The following SEL1L3 variants were observed in gnomAD, a reference collection of about 807,000 sequenced individuals.
SEL1L3 encodes protein sel-1 homolog 3.
A neutral mutation model predicts 142.8 loss-of-function variants in SEL1L3; 76 were observed. That is an observed-to-expected ratio of 0.53 (90% CI 0.44 to 0.64). The LOEUF is 0.64. SEL1L3 is among the 30% of genes least tolerant of loss of function. The probability of loss-of-function intolerance (pLI) is 0.00; values close to 1 mark genes in which losing one functional copy is unlikely to be tolerated. For synonymous variants in SEL1L3, 504 were observed against 519.6 expected (o/e 0.97, Z 0.41); for missense variants, 1,262 against 1,381.7 (o/e 0.91, Z 1.37).
intron 22 of SEL1L3, 28 bp downstream of exon 22, chr4:25,757,660 G>C: frequency 1.3e-6 from 2 of 1,563,378 alleles, no homozygotes; most frequent in Non-Finnish European, 1.7e-6. Context: ...GGGCCACAAG[G>C]GTGGGGCCGG....
rs769030042 is a variant in SEL1L3 at position 25,779,106 on chromosome 4, G to A, written c.2555C>T (p.Thr852Ile). The change falls in exon 16 of 24, where the codon ACA becomes ATA. Residue 852 changes from threonine (T) to isoleucine (I), a missense_variant. Physicochemically the swap from Thr to Ile is moderately conservative, Grantham distance 89. Around this residue, in one of 3 missense-constraint regions of SEL1L3, gnomAD observed 435 missense variants for 559.2 expected, o/e 0.78. Coordinates refer to ENST00000399878, the MANE Select transcript of SEL1L3 (RefSeq NM_015187.5). ...AGCTTTCTCAGGATCTCTAGGGAAT[G>A]TCTCCAGGTTGCCTGTGATATAGTA... is the stretch of plus-strand genomic sequence containing the variant. ...SLYYITGNLE[T>I]FPRDPEKAVV... The A allele has an allele frequency of 3.1e-6, 5 of 1,613,492 alleles. No homozygotes were observed. The highest frequency in any genetic ancestry group is 1.7e-5 in the Admixed American group (1 of 59,990).
intron 20 of SEL1L3, among the ~76,000 whole-genome samples, chr4:25,760,661 C>T (rs898969201): frequency 3.9e-5 from 6 of 152,108 alleles, no homozygotes; most frequent in Non-Finnish European, 5.9e-5. Flanking sequence ...CATCTAATGG[C>T]TTATATCTTC....
chr4:25,802,596 T>C, intron 10 of SEL1L3, 134 bp from the exon 11 acceptor site: 1 of 763,510 alleles, frequency 1.3e-6, no homozygotes, highest in Non-Finnish European at 2.1e-6. Flanking sequence ...TTGCCTTTTT[T>C]TTTGAGACGG....
chr4:25,852,608 G>A (rs1026422174), intron 1 of SEL1L3, among the ~76,000 whole-genome samples: 2 of 152,262 alleles, frequency 1.3e-5, no homozygotes, highest in African/African-American at 2.4e-5. Flanking sequence ...GCAATGCCCC[G>A]AATGTTTCCC....
chr4:25,724,245 C>T, the SEL1L3 span, among the ~76,000 whole-genome samples: 3 of 151,886 alleles, frequency 2.0e-5, no homozygotes, highest in African/African-American at 7.3e-5. Context: ...ATGGTGAGAA[C>T]CCATCTCTAC....
intron 15 of SEL1L3, among the ~76,000 whole-genome samples, chr4:25,780,837 TA>T (rs1246022930): frequency 1.7e-4 from 25 of 147,766 alleles, no homozygotes; most frequent in African/African-American, 5.9e-4. Context: ...TATATATATA[TA>T]TTTTTGAGAT....
At chr4:25,761,030 C>T (rs1392959925) in intron 20 of SEL1L3, among the ~76,000 whole-genome samples, 1 of 152,034 alleles carries the variant, frequency 6.6e-6, no homozygotes, top group Admixed American at 6.6e-5. Context: ...ACCATGGTGC[C>T]AAGAATAACC....
chr4:25,736,856 C>T, the SEL1L3 span, among the ~76,000 whole-genome samples: 4 of 151,386 alleles, frequency 2.6e-5, no homozygotes, highest in Non-Finnish European at 5.9e-5. Context: ...CATCCTACTG[C>T]CCTTTTCCTT....
chr4:25,725,713 A>C, the SEL1L3 span, among the ~76,000 whole-genome samples: 4 of 152,168 alleles, frequency 2.6e-5, no homozygotes, highest in Non-Finnish European at 4.4e-5. Flanking sequence ...TCCTGAAACT[A>C]AGGATTTCTC....
chr4:25,715,649 C>T, the SEL1L3 span, among the ~76,000 whole-genome samples: 700 of 152,004 alleles, frequency 4.6e-3, 8 homozygotes, highest in African/African-American at 0.016. Context: ...TTTGTAACAA[C>T]AAAATATGGG....
At chr4:25,757,486 G>GT in intron 23 of SEL1L3, 48 bp downstream of exon 23, 1 of 979,210 alleles carries the variant, frequency 1.0e-6, no homozygotes, top group Non-Finnish European at 1.4e-6. Context: ...AAAAATCCCT[G>GT]CTTTTTTTTT....
downstream of SEL1L3, among the ~76,000 whole-genome samples, chr4:25,744,397 G>A (rs1717201489): frequency 1.6e-5 from 2 of 123,888 alleles, no homozygotes; most frequent in South Asian, 5.6e-4. Flanking sequence ...CACCCAGGCT[G>A]GAGTGCAATG....
At chr4:25,842,625 C>G (rs1716243468) in intron 2 of SEL1L3, among the ~76,000 whole-genome samples, 1 of 152,198 alleles carries the variant, frequency 6.6e-6, no homozygotes, top group Non-Finnish European at 1.5e-5. Flanking sequence ...GCCACCTCCA[C>G]CCCCACACCC....
chr4:25,767,936 A>G (rs374449681), intron 17 of SEL1L3, 106 bp from the exon 18 acceptor site: 1 of 689,924 alleles, frequency 1.4e-6, no homozygotes, highest in Middle Eastern at 4.0e-4. Flanking sequence ...CAGTTTTTTT[A>G]AAAAAACCAC....
chr4:25,770,015 C>A (rs1398658038), intron 17 of SEL1L3, among the ~76,000 whole-genome samples: 1 of 152,094 alleles, frequency 6.6e-6, no homozygotes, highest in Non-Finnish European at 1.5e-5. Context: ...GTAATCCCAG[C>A]CACTCGGGAG....
At chr4:25,714,500 T>TTCTC in the SEL1L3 span, among the ~76,000 whole-genome samples, 16 of 109,020 alleles carry the variant, frequency 1.5e-4, no homozygotes, top group Middle Eastern at 5.0e-3. Flanking sequence ...CTTTCTTTCT[T>TTCTC]TTTCTTTCTT....
chr4:25,766,388 C>T (rs1265714817), intron 19 of SEL1L3, among the ~76,000 whole-genome samples: 1 of 146,670 alleles, frequency 6.8e-6, no homozygotes, highest in African/African-American at 2.5e-5. Flanking sequence ...TGCAGTGAGC[C>T]GAGATAGCAC....
At chr4:25,725,000 A>G in the SEL1L3 span, among the ~76,000 whole-genome samples, 1 of 151,996 alleles carries the variant, frequency 6.6e-6, no homozygotes, top group Non-Finnish European at 1.5e-5. Flanking sequence ...CAGTCAAGAT[A>G]TCTTCCCAGA....
intron 23 of SEL1L3, among the ~76,000 whole-genome samples, chr4:25,757,318 A>G (rs4697613): frequency 0.84 from 127,523 of 151,492 alleles, 53,766 homozygotes; most frequent in East Asian, 1. Context: ...GAAAAATACA[A>G]TAGTAACTTT....
Sources: allele counts gnomAD v4.1 joint callset (sites outside exome capture counted in the v4.1 genomes callset), GRCh38; gene constraint gnomAD v4.1.1; regional missense constraint gnomAD v4.1.1; transcripts MANE v1.5; gene names NCBI Gene and HGNC (gene_info 2026-07-23, HGNC 2026-07-21).